Variants in ITGB5 observed in about 807,000 individuals in gnomAD.
ITGB5 encodes the protein integrin subunit beta 5.
A neutral mutation model predicts 84.8 loss-of-function variants in ITGB5; 38 were observed. The observed-to-expected ratio is 0.45, with a 90% CI of 0.35 to 0.59. The LOEUF is 0.59. ITGB5 is among the 20% of genes least tolerant of loss of function. The pLI is 0.01. For missense variants in ITGB5, 905 were observed against 1,034.5 expected (o/e 0.87, Z 1.72); for synonymous variants, 393 against 414.4 (o/e 0.95, Z 0.63).
Position 124,898,365 on chromosome 3 carries a change from C to T in ITGB5, c.-255+2901G>A, listed in dbSNP as rs199651687. Among the ~76,000 whole-genome samples, 29 of 151,924 alleles carry T rather than the reference C, an allele frequency of 1.9e-4. No individual in the cohort carries two copies. In the East Asian group the frequency reaches 3.5e-3, roughly 18 times the overall value. ...TTCTCTTCATTAAGAAAATGACAGC[C>T]GGGCGCGGTGGCTCACGCCTGTAAT... On this transcript the variant is annotated intron_variant, in intron 1 of 4. Transcript: ENST00000608657.
At chr3:124,766,059 CAAAAA>C (rs376914121) in intron 13 of ITGB5, among the ~76,000 whole-genome samples, 162 bp downstream of exon 13, 7 of 104,444 alleles carry the variant, frequency 6.7e-5, no homozygotes, top group African/African-American at 1.0e-4. Context: ...CAGCCTGTGT[CAAAAA>C]AAAAAAAAAA....
chr3:124,859,260 C>A lies in ITGB5; in HGVS notation c.343G>T (p.Ala115Ser). 1 of 1,614,000 alleles carries A rather than the reference C, an allele frequency of 6.2e-7. No homozygotes were observed. Among genetic ancestry groups the A allele is most frequent in the East Asian group, 2.2e-5 (1 of 44,868 alleles). ...DVIQMTPQEI[A>S]VNLRPGDKTT... is the part of the protein sequence containing the mutation. ...AACTCACCGGGCCGGAGGTTCACGG[C>A]AATCTCCTGTGGTGTCATCTGAATG... Residue 115 changes from alanine to serine, a missense_variant, in exon 3 of 15, where the codon GCC becomes TCC. Ala to Ser is a moderately conservative substitution (Grantham distance 99). Around this residue, in one of 3 missense-constraint regions of ITGB5, gnomAD observed 656 missense variants for 734.7 expected, o/e 0.89. Transcript: ENST00000296181.
chr3:124,780,190 C>T (rs865893714), intron 10 of ITGB5, among the ~76,000 whole-genome samples: 4 of 145,328 alleles, frequency 2.8e-5, no homozygotes, highest in South Asian at 2.2e-4. Flanking sequence ...AGGCAGGGCA[C>T]GGGGACCCTC....
chr3:124,877,826 G>C (rs944459253), intron 1 of ITGB5, among the ~76,000 whole-genome samples: 1 of 150,046 alleles, frequency 6.7e-6, no homozygotes, highest in African/African-American at 2.5e-5. Flanking sequence ...AAGGCCTCAC[G>C]TAGGACTCTG....
At chr3:124,869,497 A>G (rs1320275561) in intron 2 of ITGB5, among the ~76,000 whole-genome samples, 2 of 152,130 alleles carry the variant, frequency 1.3e-5, no homozygotes, top group Non-Finnish European at 2.9e-5. Flanking sequence ...ATCACCTGGG[A>G]CTGGGAGGTT....
intron 2 of ITGB5, among the ~76,000 whole-genome samples, chr3:124,863,760 C>T (rs1166685835): frequency 6.6e-6 from 1 of 152,104 alleles, no homozygotes; most frequent in African/African-American, 2.4e-5. Context: ...CTCAGATGAT[C>T]GCCATGGCCG....
chr3:124,887,600 T>G, upstream of ITGB5: 1 of 378,370 alleles, frequency 2.6e-6, no homozygotes, highest in Middle Eastern at 4.2e-4. Flanking sequence ...TGCGACTCAC[T>G]TGGGGCGTGG....
intron 1 of ITGB5, among the ~76,000 whole-genome samples, chr3:124,881,272 C>A (rs977529309): frequency 6.6e-6 from 1 of 152,158 alleles, no homozygotes; most frequent in Non-Finnish European, 1.5e-5. Context: ...GTGTGAGCCA[C>A]CCTGCCTGGC....
In ITGB5 at chr3:124,773,578, G is replaced by A. The variant is rs896146546; in HGVS notation, c.1916+112C>T. ...GGCTCCCCAGCGAGGCTTGCTGGGT[G>A]GGAGATGCAGGAGGTGAGGAGTGGA... On this transcript the variant is annotated intron_variant, in intron 11 of 14. Coordinates refer to ENST00000296181, the MANE Select transcript of ITGB5 (RefSeq NM_002213.5). 14 of 873,938 alleles carry A rather than the reference G, an allele frequency of 1.6e-5. No individual in the cohort carries two copies. The Admixed American group carries it at 2.3e-4, about 14-fold the overall frequency. The allele number at this position is 873,938 out of a possible 1,614,324, so 54.1% of individuals were successfully genotyped here.
intron 1 of ITGB5, among the ~76,000 whole-genome samples, chr3:124,894,295 G>A (rs1410921201): frequency 1.3e-5 from 2 of 151,536 alleles, no homozygotes; most frequent in African/African-American, 2.4e-5. Flanking sequence ...CACCATGCCC[G>A]GCTAATTTTT....
At chr3:124,859,850 A>G (rs1392143707) in intron 2 of ITGB5, among the ~76,000 whole-genome samples, 3 of 152,186 alleles carry the variant, frequency 2.0e-5, no homozygotes, top group Non-Finnish European at 4.4e-5. Context: ...TGGGAGACTG[A>G]GGTGGGAGGA....
At chr3:124,851,187 A>G (rs567675105) in intron 3 of ITGB5, among the ~76,000 whole-genome samples, 42 of 152,296 alleles carry the variant, frequency 2.8e-4, no homozygotes, top group African/African-American at 9.9e-4. Flanking sequence ...GGAAGCAGGA[A>G]AGCTGGGTTT....
At chr3:124,830,780 T>C (rs2064848666) in intron 5 of ITGB5, among the ~76,000 whole-genome samples, 1 of 152,058 alleles carries the variant, frequency 6.6e-6, no homozygotes, top group South Asian at 2.1e-4. Context: ...GGTCAGGAGT[T>C]TGAGACCGGC....
At chr3:124,773,497 C>T in intron 11 of ITGB5, among the ~76,000 whole-genome samples, 193 bp downstream of exon 11, 1 of 152,174 alleles carries the variant, frequency 6.6e-6, no homozygotes, top group South Asian at 2.1e-4. Context: ...TCTTACAAAA[C>T]CCTTATGGAA....
At chr3:124,825,897 G>A (rs1430589025) in intron 5 of ITGB5, among the ~76,000 whole-genome samples, 1 of 152,102 alleles carries the variant, frequency 6.6e-6, no homozygotes, top group Non-Finnish European at 1.5e-5. Flanking sequence ...TTTATTAATA[G>A]TGAGAAAAAG....
chr3:124,774,893 T>C (rs1579178763), intron 10 of ITGB5, among the ~76,000 whole-genome samples: 1 of 152,286 alleles, frequency 6.6e-6, no homozygotes. Flanking sequence ...CAGGCATTAT[T>C]GTCCTTGTTA....
chr3:124,804,947 G>A lies in ITGB5; in HGVS notation c.1263+4075C>T, dbSNP rs557108826. ...CTCCCAAAGTGCTGGAATTACAGGC[G>A]TGAGCCACCGTGCCCGCCTTTCTTT... On this transcript the variant is annotated intron_variant, in intron 9 of 14. Transcript: ENST00000296181. Among the ~76,000 whole-genome samples the A allele has an allele frequency of 1.3e-4, 20 of 152,102 alleles. No homozygotes were observed. In the South Asian group the frequency reaches 4.2e-3, roughly 32 times the overall value.
chr3:124,821,191 G>A, intron 6 of ITGB5, 122 bp downstream of exon 6: 1 of 1,088,310 alleles, frequency 9.2e-7, no homozygotes, highest in Non-Finnish European at 1.3e-6. Context: ...CCCAAGAAGG[G>A]ATCAGAAAGC....
chr3:124,854,450 A>G (rs2065195648), intron 3 of ITGB5, among the ~76,000 whole-genome samples: 1 of 152,264 alleles, frequency 6.6e-6, no homozygotes, highest in Non-Finnish European at 1.5e-5. Context: ...AATGAAGTAC[A>G]TGCTACAACA....
Sources: allele counts gnomAD v4.1 joint callset (sites outside exome capture counted in the v4.1 genomes callset), GRCh38; gene constraint gnomAD v4.1.1; regional missense constraint gnomAD v4.1.1; transcripts MANE v1.5; gene names NCBI Gene and HGNC (gene_info 2026-07-23, HGNC 2026-07-21).